The following STXBP5L variants were observed in gnomAD, a reference collection of about 807,000 sequenced individuals.
STXBP5L encodes syntaxin binding protein 5L.
In STXBP5L, 65 loss-of-function variants were observed where a neutral mutation model predicts 144.5. That is an observed-to-expected ratio of 0.45 (90% CI 0.37 to 0.55). The LOEUF (loss-of-function observed/expected upper bound fraction) is 0.55, where lower values mean the gene tolerates loss of function less well. STXBP5L is among the 20% of genes least tolerant of loss of function. STXBP5L has a pLI of 0.00. For missense variants in STXBP5L, 1,298 were observed against 1,405.5 expected (o/e 0.92, Z 1.22); for synonymous variants, 505 against 469.6 (o/e 1.08, Z -0.97).
intron 2 of STXBP5L, among the ~76,000 whole-genome samples, chr3:120,930,225 C>T (rs1424475843): frequency 6.8e-6 from 1 of 147,776 alleles, no homozygotes; most frequent in Non-Finnish European, 1.5e-5. Flanking sequence ...GACTCTGGTA[C>T]TTTGTCATAG....
At chr3:120,934,224 T>C (rs926457891) in intron 2 of STXBP5L, among the ~76,000 whole-genome samples, 1 of 151,956 alleles carries the variant, frequency 6.6e-6, no homozygotes, top group Non-Finnish European at 1.5e-5. Flanking sequence ...TTTCAGTATA[T>C]TGTAAATTTC....
chr3:121,315,433 A>G (rs1013104421), intron 19 of STXBP5L, among the ~76,000 whole-genome samples: 1 of 145,686 alleles, frequency 6.9e-6, no homozygotes, highest in African/African-American at 2.5e-5. Flanking sequence ...GGAATTGAAA[A>G]ATGAGAACAC....
chr3:120,944,456 A>G (rs1360667551), intron 2 of STXBP5L, among the ~76,000 whole-genome samples: 1 of 151,824 alleles, frequency 6.6e-6, no homozygotes, highest in Admixed American at 6.6e-5. Flanking sequence ...ATTTCAAAAA[A>G]TAAGTTAATG....
At chr3:120,953,325 C>CT (rs397875191) in intron 2 of STXBP5L, among the ~76,000 whole-genome samples, 1,840 of 105,694 alleles carry the variant, frequency 0.017, 56 homozygotes, top group South Asian at 0.084. Context: ...TCACAATTGA[C>CT]TTTTTTTTTT....
intron 9 of STXBP5L, among the ~76,000 whole-genome samples, chr3:121,164,401 A>G (rs2046428946): frequency 6.6e-6 from 1 of 152,236 alleles, no homozygotes; most frequent in South Asian, 2.1e-4. Context: ...TGGCAGGTAT[A>G]TAGAGAAAAT....
chr3:121,097,646 A>G (rs2043197713), intron 5 of STXBP5L, among the ~76,000 whole-genome samples: 1 of 151,968 alleles, frequency 6.6e-6, no homozygotes, highest in Non-Finnish European at 1.5e-5. Context: ...AGCTGCACCC[A>G]CCATCCAACC....
intron 5 of STXBP5L, among the ~76,000 whole-genome samples, chr3:121,094,889 A>C (rs141908805): frequency 6.6e-6 from 1 of 151,970 alleles, no homozygotes; most frequent in East Asian, 1.9e-4. Flanking sequence ...ACATTTTGGC[A>C]TGATTTTGCA....
intron 3 of STXBP5L, among the ~76,000 whole-genome samples, chr3:120,970,132 A>G (rs142947866): frequency 6.5e-4 from 99 of 152,110 alleles, no homozygotes; most frequent in Middle Eastern, 3.4e-3. Flanking sequence ...GTCTTTTTAT[A>G]TTATCTGTTT....
At chr3:120,909,422 A>T (rs1708709004) in intron 1 of STXBP5L, 149 bp from the exon 2 acceptor site, 1 of 678,836 alleles carries the variant, frequency 1.5e-6, no homozygotes, top group Non-Finnish European at 2.3e-6. Flanking sequence ...GGCAAAACGA[A>T]TCCTGACTCT....
chr3:121,320,493 A>G (rs2043933399), intron 20 of STXBP5L, among the ~76,000 whole-genome samples: 1 of 152,056 alleles, frequency 6.6e-6, no homozygotes. Flanking sequence ...AGGGCCTTCA[A>G]TACAATGTTG....
intron 5 of STXBP5L, among the ~76,000 whole-genome samples, chr3:121,054,337 A>G: frequency 6.6e-6 from 1 of 152,114 alleles, no homozygotes; most frequent in Non-Finnish European, 1.5e-5. Context: ...ACTTGGAACC[A>G]ACCCAAATGT....
rs528206852 is a variant in STXBP5L, at chr3:120,966,527, AAC to A, written c.287+11492_287+11493del. Reference sequence around the variant, plus strand: ...CTTTCTGTTTGTTAGTTTTCCTTCTAACAGTCAGGTCCCTCAACTGCAGGTCT... The same window carrying A: ...CTTTCTGTTTGTTAGTTTTCCTTCTAAGTCAGGTCCCTCAACTGCAGGTCT... On this transcript the variant is annotated intron_variant, in intron 3 of 26. Coordinates refer to ENST00000471454, the MANE Select transcript of STXBP5L (RefSeq NM_001308330.2). 2.0e-5 allele frequency among the ~76,000 whole-genome samples: 3 copies of A among 152,172 alleles called. No individual in the cohort carries two copies. In the South Asian group the frequency reaches 6.2e-4, roughly 32 times the overall value.
intron 9 of STXBP5L, among the ~76,000 whole-genome samples, chr3:121,159,653 G>A (rs1299868626): frequency 1.9e-4 from 25 of 134,940 alleles, no homozygotes; most frequent in African/African-American, 4.4e-4. Context: ...TTTTTGAGAC[G>A]GAGTCTCGCT....
intron 10 of STXBP5L, among the ~76,000 whole-genome samples, chr3:121,216,191 T>C (rs1250426349): frequency 6.6e-6 from 1 of 152,204 alleles, no homozygotes; most frequent in African/African-American, 2.4e-5. Flanking sequence ...GCCTACATCT[T>C]TCAATTCATC....
chr3:120,916,285 T>C (rs951879024), intron 2 of STXBP5L, among the ~76,000 whole-genome samples: 3 of 152,076 alleles, frequency 2.0e-5, no homozygotes, highest in Non-Finnish European at 2.9e-5. Context: ...TTCAGTTAAG[T>C]GTTTTATATT....
intron 20 of STXBP5L, among the ~76,000 whole-genome samples, chr3:121,350,780 G>A (rs949643652): frequency 6.6e-6 from 1 of 152,016 alleles, no homozygotes; most frequent in Non-Finnish European, 1.5e-5. Context: ...CATTCATCAC[G>A]TTGTTCTCAT....
At chr3:121,342,593 A>G (rs1351102666) in intron 20 of STXBP5L, among the ~76,000 whole-genome samples, 1 of 146,580 alleles carries the variant, frequency 6.8e-6, no homozygotes, top group Admixed American at 7.2e-5. Context: ...GAGAATATGC[A>G]GTGTTTGGTT....
intron 8 of STXBP5L, among the ~76,000 whole-genome samples, chr3:121,153,683 G>A (rs2046012835): frequency 6.6e-6 from 1 of 151,780 alleles, no homozygotes; most frequent in Admixed American, 6.6e-5. Flanking sequence ...TTCATAAGCT[G>A]CACAATTCGT....
At chr3:121,285,236 T>C (rs1316237724) in intron 19 of STXBP5L, among the ~76,000 whole-genome samples, 1 of 152,158 alleles carries the variant, frequency 6.6e-6, no homozygotes, top group African/African-American at 2.4e-5. Flanking sequence ...CAGATTGATA[T>C]ATATTAGTAT....
Sources: gnomAD v4.1 joint callset for allele counts (sites outside exome capture counted in the v4.1 genomes callset) on GRCh38, gnomAD v4.1.1 for gene constraint, MANE v1.5 for transcripts, NCBI Gene and HGNC (gene_info 2026-07-23, HGNC 2026-07-21) for gene names.